Variants in SOX6 observed in about 807,000 individuals in gnomAD.
SOX6 encodes the protein SRY-box transcription factor 6, also known as transcription factor SOX-6.
SOX6 carries 11 observed loss-of-function variants against 97.8 expected under a neutral mutation model. The observed-to-expected ratio is 0.11, with a 90% CI of 0.07 to 0.19. SOX6 has a LOEUF of 0.19. Ranked by LOEUF, SOX6 falls within the 10% of genes least tolerant of loss-of-function variation. The pLI, the probability that SOX6 is intolerant of heterozygous loss-of-function variation, is 1.00. For synonymous variants in SOX6, 360 were observed against 371.4 expected, an observed-to-expected ratio of 0.97 and a Z score of 0.35; for missense variants, 810 against 1,039.5, an observed-to-expected ratio of 0.78 and a Z score of 3.04.
intron 4 of SOX6, among the ~76,000 whole-genome samples, chr11:16,233,414 G>A (rs1237127058): frequency 6.6e-6 from 1 of 152,126 alleles, no homozygotes; most frequent in African/African-American, 2.4e-5. Flanking sequence ...CTTACTATCT[G>A]AATGGATTGG....
At chr11:16,187,294 G>T (rs1306159034) in intron 4 of SOX6, among the ~76,000 whole-genome samples, 1 of 152,030 alleles carries the variant, frequency 6.6e-6, no homozygotes, top group Non-Finnish European at 1.5e-5. Flanking sequence ...TAATATGAAA[G>T]ATCAGAAACT....
chr11:16,514,404 T>C (rs944317920), intron 4 of SOX6, among the ~76,000 whole-genome samples: 3 of 152,176 alleles, frequency 2.0e-5, no homozygotes, highest in Admixed American at 2.0e-4. Context: ...TAGTTGCCAC[T>C]AGCCCAAAGA....
At chr11:16,486,142 T>C (rs1016909133) in intron 4 of SOX6, among the ~76,000 whole-genome samples, 3 of 152,036 alleles carry the variant, frequency 2.0e-5, no homozygotes, top group African/African-American at 4.8e-5. Flanking sequence ...ACTTAATCCA[T>C]GGTACAGAAT....
At chr11:16,050,040 A>G (rs1847647440) in intron 10 of SOX6, 102 bp from the exon 11 acceptor site, 2 of 1,160,310 alleles carry the variant, frequency 1.7e-6, no homozygotes, top group Non-Finnish European at 2.6e-6. Context: ...ACAATGCCAC[A>G]TTCTCCTACA....
At chr11:16,460,418 T>C (rs11023948) in intron 1 of SOX6, among the ~76,000 whole-genome samples, 35,407 of 151,958 alleles carry the variant, frequency 0.23, 4,616 homozygotes, top group East Asian at 0.52. Context: ...TGAGTTCATA[T>C]TCTTATAGTG....
intron 2 of SOX6, among the ~76,000 whole-genome samples, chr11:16,332,011 A>T (rs182518815): frequency 6.6e-6 from 1 of 152,318 alleles, no homozygotes; most frequent in Admixed American, 6.5e-5. Context: ...CGTGTCATCC[A>T]AGAGAACAGT....
intron 3 of SOX6, among the ~76,000 whole-genome samples, chr11:16,709,296 T>C (rs1204797360): frequency 6.6e-6 from 1 of 151,934 alleles, no homozygotes; most frequent in Non-Finnish European, 1.5e-5. Flanking sequence ...GGAGGGTAAA[T>C]CACTTGAGGT....
chr11:16,407,715 T>C (rs1195489144), intron 1 of SOX6, among the ~76,000 whole-genome samples: 1 of 152,182 alleles, frequency 6.6e-6, no homozygotes, highest in East Asian at 1.9e-4. Flanking sequence ...CCTTCACCCA[T>C]TCCTTCATTT....
At chr11:16,255,926 T>C (rs764656006) in intron 3 of SOX6, among the ~76,000 whole-genome samples, 3 of 150,972 alleles carry the variant, frequency 2.0e-5, no homozygotes, top group Non-Finnish European at 4.4e-5. Context: ...CAATTAGAAA[T>C]CTTTTTAACA....
intron 3 of SOX6, among the ~76,000 whole-genome samples, chr11:16,651,899 T>A (rs1847658732): frequency 6.6e-6 from 1 of 152,118 alleles, no homozygotes; most frequent in South Asian, 2.1e-4. Flanking sequence ...AGAAAGCTCA[T>A]AGATCTGATA....
At chr11:16,040,599 T>C (rs1394845174) in intron 12 of SOX6, among the ~76,000 whole-genome samples, 1 of 152,082 alleles carries the variant, frequency 6.6e-6, no homozygotes, top group African/African-American at 2.4e-5. Flanking sequence ...ATGAAGCACA[T>C]ATATCTAGAT....
intron 4 of SOX6, among the ~76,000 whole-genome samples, chr11:16,555,134 A>G (rs1413841650): frequency 6.6e-6 from 1 of 151,970 alleles, no homozygotes; most frequent in Non-Finnish European, 1.5e-5. Context: ...TGCAAAATTC[A>G]CAGCCAAAAA....
At chr11:16,704,291 G>GT (rs1454270535) in intron 3 of SOX6, among the ~76,000 whole-genome samples, 15 of 152,040 alleles carry the variant, frequency 9.9e-5, no homozygotes, top group Non-Finnish European at 1.8e-4. Flanking sequence ...GCAAAGTATT[G>GT]TAACAAATAA....
chr11:16,691,984 C>T (rs1848016415), intron 3 of SOX6, among the ~76,000 whole-genome samples: 1 of 152,074 alleles, frequency 6.6e-6, no homozygotes, highest in Non-Finnish European at 1.5e-5. Context: ...TTGTCCGTCT[C>T]TCTTTAAAAG....
intron 3 of SOX6, among the ~76,000 whole-genome samples, chr11:16,648,521 A>G (rs1849047367): frequency 6.6e-6 from 1 of 152,206 alleles, no homozygotes; most frequent in African/African-American, 2.4e-5. Flanking sequence ...CTACCACTAC[A>G]GCAGCTAGTG....
intron 11 of SOX6, among the ~76,000 whole-genome samples, chr11:16,048,830 G>A (rs1396860428): frequency 6.6e-6 from 1 of 151,836 alleles, no homozygotes; most frequent in Non-Finnish European, 1.5e-5. Flanking sequence ...AATTTCCAAA[G>A]AGTATAACAA....
intron 4 of SOX6, among the ~76,000 whole-genome samples, chr11:16,577,847 T>C (rs1357824309): frequency 6.6e-6 from 1 of 152,222 alleles, no homozygotes; most frequent in Admixed American, 6.5e-5. Flanking sequence ...GAATTATGAC[T>C]TGCAAATATT....
At chr11:16,455,084 C>T (rs1033956757) in intron 1 of SOX6, among the ~76,000 whole-genome samples, 2 of 151,946 alleles carry the variant, frequency 1.3e-5, no homozygotes, top group African/African-American at 4.8e-5. Flanking sequence ...CATAATTTCC[C>T]ACTTGAAGAT....
At chr11:16,479,689 C>T (rs1287134129), upstream of SOX6, among the ~76,000 whole-genome samples, 2 of 151,994 alleles carry the variant, frequency 1.3e-5, no homozygotes, top group African/African-American at 4.8e-5. Context: ...ATTGGCAAAA[C>T]GTTTTATAAA....
Sources: allele counts gnomAD v4.1 joint callset (sites outside exome capture counted in the v4.1 genomes callset), GRCh38; gene constraint gnomAD v4.1.1; transcripts MANE v1.5; gene names NCBI Gene and HGNC (gene_info 2026-07-23, HGNC 2026-07-21).